The following TENM3 variants were observed in gnomAD, a reference collection of about 807,000 sequenced individuals.
TENM3 encodes the protein teneurin transmembrane protein 3.
In TENM3, 63 loss-of-function variants were observed where a neutral mutation model predicts 255.1. The ratio of observed to expected loss-of-function variants is 0.25; its 90% confidence interval spans 0.20 to 0.30. The LOEUF (loss-of-function observed/expected upper bound fraction) is 0.30, where lower values mean the gene tolerates loss of function less well. Ranked by LOEUF, TENM3 falls within the 10% of genes least tolerant of loss-of-function variation. The pLI, the probability that TENM3 is intolerant of heterozygous loss-of-function variation, is 1.00. For synonymous variants in TENM3, 1,306 were observed against 1,322.3 expected, an observed-to-expected ratio of 0.99 and a Z score of 0.27; for missense variants, 2,929 against 3,461.1, an observed-to-expected ratio of 0.85 and a Z score of 3.86.
At chr4:181,670,111 TCTA>T in the TENM3 span, among the ~76,000 whole-genome samples, 1 of 152,322 alleles carries the variant, frequency 6.6e-6, no homozygotes, top group Middle Eastern at 3.4e-3. Flanking sequence ...TAATTTGACT[TCTA>T]GAAATTGATC....
At chr4:182,702,283 C>T (rs1757931320) in intron 12 of TENM3, among the ~76,000 whole-genome samples, 1 of 152,090 alleles carries the variant, frequency 6.6e-6, no homozygotes. Context: ...GGGAACAGGC[C>T]AGTTCATATA....
the TENM3 span, among the ~76,000 whole-genome samples, chr4:181,506,749 G>A: frequency 1.3e-5 from 2 of 152,062 alleles, no homozygotes; most frequent in African/African-American, 4.8e-5. Context: ...ATCACCACCA[G>A]AGACTGGAAG....
intron 1 of TENM3, among the ~76,000 whole-genome samples, chr4:182,263,424 T>C (rs982517868): frequency 3.3e-5 from 5 of 152,074 alleles, no homozygotes; most frequent in African/African-American, 1.2e-4. Flanking sequence ...TGAATCTTAA[T>C]TCAGGGGGTT....
the TENM3 span, among the ~76,000 whole-genome samples, chr4:182,104,393 G>T: frequency 2.6e-5 from 4 of 152,078 alleles, no homozygotes; most frequent in South Asian, 6.2e-4. Context: ...CCTTTCCAGG[G>T]ACCTGCAAAG....
the TENM3 span, among the ~76,000 whole-genome samples, chr4:181,781,389 G>A: frequency 3.3e-5 from 5 of 152,288 alleles, 1 homozygote; most frequent in South Asian, 1.0e-3. Flanking sequence ...AAACAATTGT[G>A]AATGGGAATT....
chr4:182,214,663 A>G (rs764494660), intron 1 of TENM3, among the ~76,000 whole-genome samples: 3 of 152,036 alleles, frequency 2.0e-5, no homozygotes, highest in South Asian at 2.1e-4. Context: ...CCTGCACCAG[A>G]CAATTATATT....
the TENM3 span, among the ~76,000 whole-genome samples, chr4:181,835,816 A>C: frequency 2.0e-5 from 3 of 152,352 alleles, no homozygotes; most frequent in South Asian, 6.2e-4. Context: ...ACTACAAGTT[A>C]TCTTATTCAG....
intron 3 of TENM3, among the ~76,000 whole-genome samples, chr4:182,550,076 T>C (rs1741848184): frequency 6.6e-6 from 1 of 152,212 alleles, no homozygotes; most frequent in Non-Finnish European, 1.5e-5. Context: ...CCAGTGTCTG[T>C]TATTTTATGG....
the TENM3 span, among the ~76,000 whole-genome samples, chr4:181,613,560 T>C: frequency 5.3e-5 from 8 of 152,334 alleles, no homozygotes; most frequent in African/African-American, 1.2e-4. Context: ...GAACAGACTA[T>C]TGGGTGTAAG....
At chr4:182,132,557 A>G in the TENM3 span, among the ~76,000 whole-genome samples, 1 of 152,190 alleles carries the variant, frequency 6.6e-6, no homozygotes, top group Admixed American at 6.5e-5. Flanking sequence ...ACAAAGGAAG[A>G]TGAGTAAAGT....
chr4:182,700,284 G>T (rs1757750516), intron 12 of TENM3, among the ~76,000 whole-genome samples: 1 of 152,212 alleles, frequency 6.6e-6, no homozygotes, highest in Admixed American at 6.5e-5. Context: ...ACAATTTTAA[G>T]AAGTATGATT....
chr4:181,483,144 A>G, the TENM3 span, among the ~76,000 whole-genome samples: 2 of 152,184 alleles, frequency 1.3e-5, no homozygotes, highest in African/African-American at 4.8e-5. Flanking sequence ...AGAACTTAAT[A>G]TCTACTGGCA....
At chr4:181,478,926 G>A in the TENM3 span, among the ~76,000 whole-genome samples, 1 of 152,098 alleles carries the variant, frequency 6.6e-6, no homozygotes, top group Non-Finnish European at 1.5e-5. Context: ...TAACAAAATA[G>A]AATAAGGGTT....
the TENM3 span, among the ~76,000 whole-genome samples, chr4:181,590,177 T>C: frequency 6.6e-6 from 1 of 152,152 alleles, no homozygotes; most frequent in Non-Finnish European, 1.5e-5. Context: ...CAAGAAACCA[T>C]GTACATAAGA....
chr4:182,466,842 T>C (rs1561478220), intron 3 of TENM3, among the ~76,000 whole-genome samples: 1 of 147,076 alleles, frequency 6.8e-6, no homozygotes, highest in Non-Finnish European at 1.5e-5. Context: ...TGCTTCTCTT[T>C]GCTGTCTTCA....
the TENM3 span, among the ~76,000 whole-genome samples, chr4:181,534,013 A>G: frequency 7.2e-5 from 11 of 152,230 alleles, no homozygotes; most frequent in Non-Finnish European, 1.6e-4. Flanking sequence ...AGTCATTCTG[A>G]GATTCACACA....
At chr4:182,091,838 A>C in the TENM3 span, among the ~76,000 whole-genome samples, 1 of 152,202 alleles carries the variant, frequency 6.6e-6, no homozygotes, top group Admixed American at 6.5e-5. Context: ...TAGCATCACC[A>C]AACAAAATAG....
chr4:182,140,860 G>A (rs574604205), upstream of TENM3, among the ~76,000 whole-genome samples: 6 of 152,366 alleles, frequency 3.9e-5, no homozygotes, highest in South Asian at 1.2e-3. Context: ...GCGACACTCG[G>A]CTGAGACTTG....
chr4:182,731,448 C>A (rs979374000), intron 16 of TENM3, among the ~76,000 whole-genome samples: 1 of 151,364 alleles, frequency 6.6e-6, no homozygotes, highest in Non-Finnish European at 1.5e-5. Flanking sequence ...GCAGAGGTTG[C>A]AGTGAGCCGA....
Sources: allele counts gnomAD v4.1 joint callset (sites outside exome capture counted in the v4.1 genomes callset), GRCh38; gene constraint gnomAD v4.1.1; transcripts MANE v1.5; gene names NCBI Gene and HGNC (gene_info 2026-07-23, HGNC 2026-07-21).